TIMELESS: variants seen among roughly 807,000 people sequenced by gnomAD.
The protein encoded by TIMELESS is timeless circadian regulator, also known as protein timeless homolog.
In TIMELESS, 124 loss-of-function variants were observed where a neutral mutation model predicts 164.3. The observed-to-expected ratio is 0.75, with a 90% CI of 0.65 to 0.88. The LOEUF is 0.88. Ranked by LOEUF, TIMELESS falls within the 40% of genes least tolerant of loss-of-function variation. The probability of loss-of-function intolerance (pLI) is 0.00; values close to 1 mark genes in which losing one functional copy is unlikely to be tolerated. For missense variants in TIMELESS, 1,422 were observed against 1,491.4 expected (o/e 0.95, Z 0.77); for synonymous variants, 564 against 563.4 (o/e 1.00, Z -0.02).
intron 1 of TIMELESS, among the ~76,000 whole-genome samples, chr12:56,448,462 C>T (rs937589260): frequency 5.3e-5 from 8 of 151,236 alleles, no homozygotes; most frequent in African/African-American, 1.9e-4. Context: ...CGCGGTGGCT[C>T]ACGCCTATAA....
rs771144494 is a variant in TIMELESS at position 56,421,974 on chromosome 12, A to C, written c.2567T>G (p.Val856Gly). Residue 856 changes from valine (V) to glycine (G), a missense_variant, in exon 21 of 29, where the codon GTT (valine) becomes GGT (glycine). By Grantham distance (109) the Val-to-Gly change is moderately radical. Coordinates refer to ENST00000553532, the MANE Select transcript of TIMELESS (RefSeq NM_003920.5). The stretch of plus-strand genomic sequence containing the variant: ...GATGATCTGCTTGCGTGTTCGAGGA[A>C]CAGTATTCAGGTGGGCCAAGATGGC... The part of the protein sequence containing the change: ...VEAILAHLNT[V>G]PRTRKQIIHH... The C allele has an allele frequency of 3.1e-5, 50 of 1,614,170 alleles. No homozygotes were observed. The South Asian group carries it at 4.9e-4, about 16-fold the overall frequency.
rs565524245 is a variant in TIMELESS at position 56,434,650 on chromosome 12, T to C, written c.-61-419A>G. 3.3e-5 allele frequency among the ~76,000 whole-genome samples: 5 copies of C among 152,052 alleles called. No homozygotes were observed. The South Asian group carries it at 1.0e-3, about 32-fold the overall frequency. ...TACTCGGAAGGCTGAGGCAGGAGAGTGGCTTGAACCCAGGAGGCAGAGGTT... is the reference window on the plus strand; with the variant it reads ...TACTCGGAAGGCTGAGGCAGGAGAGCGGCTTGAACCCAGGAGGCAGAGGTT... On this transcript the variant is annotated intron_variant, in intron 1 of 28. Coordinates refer to ENST00000553532, the MANE Select transcript of TIMELESS (RefSeq NM_003920.5).
intron 13 of TIMELESS, among the ~76,000 whole-genome samples, chr12:56,426,685 A>G (rs1219839195): frequency 2.0e-5 from 3 of 151,990 alleles, no homozygotes; most frequent in Non-Finnish European, 4.4e-5. Context: ...TCAGCCTCCC[A>G]AGAAGCTGGG....
At position 56,417,474 on chromosome 12, in the gene TIMELESS, G is replaced by A. The variant is rs1365770288; in HGVS notation, c.*242C>T. On this transcript the variant is annotated 3_prime_UTR_variant, in exon 29 of 29. Coordinates refer to ENST00000553532, the MANE Select transcript of TIMELESS (RefSeq NM_003920.5). ...CCAAAAGAAATGGTTCCTAGAAGAAGAGAACTAAATCTCCAGAGAGCTGCT... is the reference window on the plus strand; with the variant it reads ...CCAAAAGAAATGGTTCCTAGAAGAAAAGAACTAAATCTCCAGAGAGCTGCT... 7 of 484,918 alleles carry A rather than the reference G, an allele frequency of 1.4e-5. No homozygotes were observed. The highest frequency in any genetic ancestry group is 6.3e-5 in the South Asian group (2 of 31,734). The allele number at this position is 484,918 out of a possible 1,614,324, so 30.0% of individuals were successfully genotyped here.
intron 1 of TIMELESS, among the ~76,000 whole-genome samples, chr12:56,442,300 C>A (rs962397932): frequency 6.6e-6 from 1 of 152,088 alleles, no homozygotes; most frequent in Non-Finnish European, 1.5e-5. Flanking sequence ...ATTAAGGCAG[C>A]TGGGAATAGG....
intron 1 of TIMELESS, among the ~76,000 whole-genome samples, chr12:56,439,048 C>T (rs1029119729): frequency 6.6e-6 from 1 of 151,372 alleles, no homozygotes; most frequent in African/African-American, 2.4e-5. Context: ...CGCCTGTAAT[C>T]CCAGCTACTC....
At chr12:56,441,094 G>C (rs572367871) in intron 1 of TIMELESS, among the ~76,000 whole-genome samples, 1 of 151,880 alleles carries the variant, frequency 6.6e-6, no homozygotes, top group South Asian at 2.1e-4. Flanking sequence ...CTGGGATTAC[G>C]GGCATGAGCC....
At chr12:56,423,968 G>C in intron 15 of TIMELESS, 74 bp from the exon 16 acceptor site, 1 of 1,328,792 alleles carries the variant, frequency 7.5e-7, no homozygotes, top group East Asian at 2.3e-5. Context: ...AGTAGAAGAA[G>C]GAATTTAGAC....
chr12:56,426,456 G>A (rs561094894), intron 13 of TIMELESS, among the ~76,000 whole-genome samples: 3 of 149,834 alleles, frequency 2.0e-5, no homozygotes, highest in Non-Finnish European at 4.4e-5. Flanking sequence ...GCGTGATCTC[G>A]GCTCACTGCA....
chr12:56,442,031 T>A (rs1210317437), intron 1 of TIMELESS, among the ~76,000 whole-genome samples: 1 of 141,384 alleles, frequency 7.1e-6, no homozygotes, highest in Non-Finnish European at 1.5e-5. Context: ...TTACAGTGAG[T>A]TGAGATCGTG....
At chr12:56,431,022 T>G in intron 8 of TIMELESS, 54 bp from the exon 9 acceptor site, 1 of 1,261,088 alleles carries the variant, frequency 7.9e-7, no homozygotes, top group Non-Finnish European at 1.1e-6. Flanking sequence ...AAACTTTATC[T>G]CCATTCTCTA....
rs1479460327 is a variant in TIMELESS, at chr12:56,428,642, C to T, written c.1315G>A (p.Ala439Thr). Residue 439 changes from alanine (A) to threonine (T), a missense_variant, in exon 12 of 29, where the codon GCT (alanine) becomes ACT (threonine). Physicochemically the swap from Ala to Thr is moderately conservative, Grantham distance 58. Coordinates refer to ENST00000553532, the MANE Select transcript of TIMELESS (RefSeq NM_003920.5). ...AASWARRMHL[A>T]LKAYQELLAT... ...AGCAGCTCCTGATAGGCCTTCAGAGCCAAGTGCATCCTGAGAGTTGACGGG... is the reference window on the plus strand; with the variant it reads ...AGCAGCTCCTGATAGGCCTTCAGAGTCAAGTGCATCCTGAGAGTTGACGGG... The T allele has an allele frequency of 6.2e-7, 1 of 1,613,898 alleles. No individual in the cohort carries two copies. Among genetic ancestry groups the T allele is most frequent in the African/African-American group, 1.3e-5 (1 of 75,016 alleles).
chr12:56,431,435 G>A, intron 8 of TIMELESS, 36 bp downstream of exon 8: 1 of 1,578,518 alleles, frequency 6.3e-7, no homozygotes, highest in African/African-American at 1.4e-5. Flanking sequence ...AGCATTCCAT[G>A]ATGTAGGAAA....
intron 10 of TIMELESS, 45 bp from the exon 11 acceptor site, chr12:56,429,145 C>A: frequency 6.6e-7 from 1 of 1,507,200 alleles, no homozygotes; most frequent in Non-Finnish European, 9.0e-7. Context: ...GACTCCAGGG[C>A]TTCCAACTTC....
At chr12:56,424,348 A>G (rs568760014) in intron 15 of TIMELESS, among the ~76,000 whole-genome samples, 5 of 152,360 alleles carry the variant, frequency 3.3e-5, no homozygotes, top group Admixed American at 3.3e-4. Context: ...TTAATGATGC[A>G]TATCTTTGGC....
chr12:56,431,700 C>T, intron 7 of TIMELESS, 96 bp from the exon 8 acceptor site: 1 of 1,444,712 alleles, frequency 6.9e-7, no homozygotes, highest in South Asian at 1.4e-5. Flanking sequence ...AAAATAGAAC[C>T]CCATTAATGG....
intron 13 of TIMELESS, 54 bp from the exon 14 acceptor site, chr12:56,425,206 C>T (rs1881640702): frequency 6.5e-7 from 1 of 1,539,496 alleles, no homozygotes; most frequent in Admixed American, 2.2e-5. Context: ...GGGCTTTCCC[C>T]ATCAGTGTCT....
intron 26 of TIMELESS, among the ~76,000 whole-genome samples, chr12:56,419,501 C>T (rs765140596): frequency 1.4e-4 from 18 of 128,824 alleles, no homozygotes; most frequent in African/African-American, 3.8e-4. Flanking sequence ...CCTGTGTGCA[C>T]GGTTGCAGCC....
chr12:56,421,913 G>A lies in TIMELESS; in HGVS notation c.2628C>T (p.Val876=), dbSNP rs200048498. The A allele has an allele frequency of 2.4e-5, 38 of 1,614,140 alleles. No individual in the cohort carries two copies. The highest frequency in any genetic ancestry group is 5.0e-5 in the Admixed American group (3 of 60,022). ...TGCCTCTCTACCTTTGGAAGTCCTTGACACTGTCAGCCAGTCCCATCTGTA... is the reference window on the plus strand; with the variant it reads ...TGCCTCTCTACCTTTGGAAGTCCTTAACACTGTCAGCCAGTCCCATCTGTA... ...HLVQMGLADS[V]KDFQRKGTHI... Residue 876 remains valine, a synonymous_variant, in exon 21 of 29, where the codon GTC becomes GTT. Transcript: ENST00000553532.
Sources: gnomAD v4.1 joint callset for allele counts (sites outside exome capture counted in the v4.1 genomes callset) on GRCh38, gnomAD v4.1.1 for gene constraint, MANE v1.5 for transcripts, NCBI Gene and HGNC (gene_info 2026-07-23, HGNC 2026-07-21) for gene names.